Variants in ARIH2 observed in about 807,000 individuals in gnomAD.
The protein encoded by ARIH2 is ariadne RBR E3 ubiquitin protein ligase 2.
Under a neutral mutation model 79.8 loss-of-function variants are expected in ARIH2, and 12 were observed. The ratio of observed to expected loss-of-function variants is 0.15; its 90% confidence interval spans 0.10 to 0.24. ARIH2 has a LOEUF of 0.24. ARIH2 is among the 10% of genes least tolerant of loss of function. The pLI is 1.00. For synonymous variants in ARIH2, 224 were observed against 213.9 expected, an observed-to-expected ratio of 1.05 and a Z score of -0.41; for missense variants, 301 against 618.3, an observed-to-expected ratio of 0.49 and a Z score of 5.44.
At chr3:48,982,807 T>C in intron 14 of ARIH2, 89 bp from the exon 15 acceptor site, 1 of 883,078 alleles carries the variant, frequency 1.1e-6, no homozygotes. Flanking sequence ...CCTGTGAGCC[T>C]GAGGTGCTGC....
intron 3 of ARIH2, among the ~76,000 whole-genome samples, chr3:48,951,825 G>A (rs977020162): frequency 6.6e-6 from 1 of 151,940 alleles, no homozygotes; most frequent in African/African-American, 2.4e-5. Context: ...TAATTGTTCT[G>A]TTTTATCAAC....
Position 48,918,947 on chromosome 3 carries a change from C to G in ARIH2, c.-213C>G, listed in dbSNP as rs752109280. The G allele has an allele frequency of 2.0e-5, 31 of 1,553,760 alleles. No homozygotes were observed. Among genetic ancestry groups the G allele is most frequent in the Middle Eastern group, 1.8e-4 (1 of 5,602 alleles). On this transcript the variant is annotated 5_prime_UTR_variant, in exon 1 of 16. Coordinates refer to ENST00000356401, the MANE Select transcript of ARIH2 (RefSeq NM_006321.4). ...CCCAATCCGGTCCCTCTGGCCCGGC[C>G]TGACCCGGTCTGGCTTGTTCGGGCT...
chr3:48,927,398 A>T, intron 2 of ARIH2, 64 bp from the exon 3 acceptor site: 1 of 839,240 alleles, frequency 1.2e-6, no homozygotes. Flanking sequence ...TTGATTCTTG[A>T]ATGGTTTCTG....
At chr3:48,958,327 ACAG>A (rs1417318515) in intron 3 of ARIH2, among the ~76,000 whole-genome samples, 2 of 152,168 alleles carry the variant, frequency 1.3e-5, no homozygotes, top group Non-Finnish European at 2.9e-5. Flanking sequence ...TCTGTAAAAA[ACAG>A]AACAAAAAAC....
chr3:48,937,002 T>C (rs892456884), intron 3 of ARIH2, among the ~76,000 whole-genome samples: 2 of 152,040 alleles, frequency 1.3e-5, no homozygotes, highest in Non-Finnish European at 2.9e-5. Context: ...CACTCCAGCC[T>C]GGGCAACACA....
At chr3:48,954,454 T>G (rs960154724) in intron 3 of ARIH2, among the ~76,000 whole-genome samples, 27 of 152,056 alleles carry the variant, frequency 1.8e-4, no homozygotes, top group African/African-American at 5.8e-4. Flanking sequence ...AAAAAAAGTT[T>G]TTTTCTACGT....
intron 9 of ARIH2, among the ~76,000 whole-genome samples, chr3:48,974,086 T>C (rs1294182076): frequency 6.6e-6 from 1 of 152,208 alleles, no homozygotes; most frequent in Non-Finnish European, 1.5e-5. Context: ...GAACTAATTA[T>C]GATTGAACGC....
chr3:48,981,617 T>C, intron 13 of ARIH2, 43 bp from the exon 14 acceptor site: 1 of 1,559,684 alleles, frequency 6.4e-7, no homozygotes, highest in African/African-American at 1.4e-5. Flanking sequence ...GCAGGTAGCT[T>C]AGAATCACAG....
Position 48,979,544 on chromosome 3 carries a change from C to T in ARIH2, c.1024C>T (p.Arg342Cys), listed in dbSNP as rs1188915884. ...THGSEYYECS[R>C]YKENPDIVNQ... The stretch of plus-strand genomic sequence containing the variant: ...TGGCAGTGAATACTATGAGTGCAGT[C>T]GTTACAAGGAGAATCCTGACATCGT... Residue 342 changes from arginine to cysteine, a missense_variant, in exon 12 of 16, where the codon CGT (arginine) becomes TGT (cysteine). This residue lies in a region of ARIH2 where 78 missense variants were observed against 268.9 expected (regional missense o/e 0.29). Transcript: ENST00000356401. The T allele has an allele frequency of 6.2e-7, 1 of 1,614,080 alleles. No individual in the cohort carries two copies. The highest frequency in any genetic ancestry group is 8.5e-7 in the Non-Finnish European group (1 of 1,180,044).
At chr3:48,967,041 T>C in intron 5 of ARIH2, 84 bp from the exon 6 acceptor site, 1 of 1,429,186 alleles carries the variant, frequency 7.0e-7, no homozygotes, top group African/African-American at 1.4e-5. Context: ...AGGATCACTT[T>C]CCATGCACCC....
intron 3 of ARIH2, among the ~76,000 whole-genome samples, chr3:48,953,903 C>T (rs189630074): frequency 1.3e-5 from 2 of 152,068 alleles, no homozygotes; most frequent in African/African-American, 4.8e-5. Context: ...GTGGCTCACA[C>T]CTGTAATCCC....
chr3:48,942,074 G>A lies in ARIH2; in HGVS notation c.255+14261G>A, dbSNP rs2088370851. Among the ~76,000 whole-genome samples, 2 of 145,812 alleles carry A rather than the reference G, an allele frequency of 1.4e-5. 1 individual carries two copies. The highest frequency in any genetic ancestry group is 5.1e-5 in the African/African-American group (2 of 39,502). ...CTAATTTTTTTTTTTTTTTTGAGGC[G>A]GAGTCTTACTCTGTCACCAAAGCTG... On this transcript the variant is annotated intron_variant, in intron 3 of 15. Transcript: ENST00000356401.
intron 3 of ARIH2, among the ~76,000 whole-genome samples, chr3:48,951,655 G>A (rs982210541): frequency 5.9e-5 from 9 of 151,452 alleles, no homozygotes; most frequent in Non-Finnish European, 1.5e-5. Context: ...TTGTTGGTAA[G>A]TATTCTTCAA....
At chr3:48,937,758 A>G (rs1305620078) in intron 3 of ARIH2, among the ~76,000 whole-genome samples, 1 of 152,150 alleles carries the variant, frequency 6.6e-6, no homozygotes, top group Non-Finnish European at 1.5e-5. Context: ...TAAAGATGGT[A>G]TAAACCTGGC....
chr3:48,957,717 G>A (rs2107489030), intron 3 of ARIH2, among the ~76,000 whole-genome samples: 1 of 152,152 alleles, frequency 6.6e-6, no homozygotes, highest in South Asian at 2.1e-4. Context: ...TTGTTTGTTT[G>A]TTTGTTTGTT....
chr3:48,978,554 G>A (rs1426327530), intron 11 of ARIH2, among the ~76,000 whole-genome samples: 1 of 147,806 alleles, frequency 6.8e-6, no homozygotes, highest in South Asian at 2.2e-4. Context: ...CCTGACCTCA[G>A]GTGATCCATC....
intron 3 of ARIH2, among the ~76,000 whole-genome samples, chr3:48,942,833 T>C (rs956482050): frequency 6.6e-6 from 1 of 152,054 alleles, no homozygotes; most frequent in Non-Finnish European, 1.5e-5. Context: ...GTATTTTTAG[T>C]AGAGATGAGG....
intron 3 of ARIH2, among the ~76,000 whole-genome samples, chr3:48,940,758 G>A (rs1452366836): frequency 9.7e-5 from 13 of 134,708 alleles, no homozygotes; most frequent in Non-Finnish European, 1.8e-4. Flanking sequence ...TTGCACCACT[G>A]CACTTCAGCC....
intron 3 of ARIH2, among the ~76,000 whole-genome samples, chr3:48,940,807 A>AT (rs1373846535): frequency 3.6e-3 from 390 of 107,532 alleles, no homozygotes; most frequent in African/African-American, 6.6e-3. Flanking sequence ...AAAAAAAAAA[A>AT]AATATATATA....
Sources: allele counts gnomAD v4.1 joint callset (sites outside exome capture counted in the v4.1 genomes callset), GRCh38; gene constraint gnomAD v4.1.1; regional missense constraint gnomAD v4.1.1; transcripts MANE v1.5; gene names NCBI Gene and HGNC (gene_info 2026-07-23, HGNC 2026-07-21).